Variants in FSIP2 observed in about 807,000 individuals in gnomAD.
The protein encoded by FSIP2 is fibrous sheath interacting protein 2.
A neutral mutation model predicts 510.5 loss-of-function variants in FSIP2; 367 were observed. That is an observed-to-expected ratio of 0.72 (90% CI 0.66 to 0.78). FSIP2 has a LOEUF of 0.78. FSIP2 is among the 30% of genes least tolerant of loss of function. The pLI is 0.00. For synonymous variants in FSIP2, 2,601 were observed against 2,732.2 expected (o/e 0.95, Z 1.50); for missense variants, 7,594 against 7,901.7 (o/e 0.96, Z 1.48).
chr2:185,737,822 T>C (rs1325088922), upstream of FSIP2, among the ~76,000 whole-genome samples: 2 of 152,170 alleles, frequency 1.3e-5, no homozygotes, highest in East Asian at 3.8e-4. Context: ...CCTAAGCACA[T>C]GTGTGGAATT....
chr2:185,800,180 T>G lies in FSIP2; in HGVS notation c.10874T>G (p.Phe3625Cys). 1 of 1,532,766 alleles carries G rather than the reference T, an allele frequency of 6.5e-7. No individual in the cohort carries two copies. Among genetic ancestry groups the G allele is most frequent in the Non-Finnish European group, 8.7e-7 (1 of 1,145,116 alleles). 94.9% of individuals were successfully genotyped at this position (1,532,766 alleles called of 1,614,324 possible). Residue 3625 changes from phenylalanine to cysteine, a missense_variant, in exon 17 of 23, where the codon TTT (phenylalanine) becomes TGT (cysteine). Transcript: ENST00000424728. ...AAAGAAATAGAAGTAGATTATCACT[T>G]TGAAAGCAATGTAAGAAACAAATCA... ...LSKEIEVDYH[F>C]ESNVRNKSFS...
chr2:185,800,037 C>T lies in FSIP2; in HGVS notation c.10731C>T (p.Asp3577=), dbSNP rs1693392146. ...ILFNNKIIQA[D]IAQKMVAIPT... The stretch of plus-strand genomic sequence containing the variant: ...TTAATAATAAAATTATACAGGCTGA[C>T]ATTGCACAGAAAATGGTTGCCATAC... Residue 3577 remains aspartate, a synonymous_variant, in exon 17 of 23, where the codon GAC becomes GAT. Coordinates refer to ENST00000424728, the MANE Select transcript of FSIP2 (RefSeq NM_173651.4). 1 of 1,527,374 alleles carries T rather than the reference C, an allele frequency of 6.5e-7. No individual in the cohort carries two copies. Among genetic ancestry groups the T allele is most frequent in the South Asian group, 1.2e-5 (1 of 83,406 alleles). The allele number at this position is 1,527,374 out of a possible 1,614,324, so 94.6% of individuals were successfully genotyped here.
In FSIP2 at chr2:185,806,220, A is replaced by C; in HGVS notation, c.16914A>C (p.Leu5638=). The C allele has an allele frequency of 6.2e-7, 1 of 1,606,388 alleles. No individual in the cohort carries two copies. The highest frequency in any genetic ancestry group is 1.1e-5 in the South Asian group (1 of 89,804). ...CCTCCTTGAAGTCCAAGAGAAATCT[A>C]GGGACTACAACAGATACTTTGGAAA... The part of the protein sequence containing the change: ...QLSSLKSKRN[L]GTTTDTLEIR... Residue 5638 remains leucine (L), a synonymous_variant, in exon 17 of 23, where the codon CTA becomes CTC. Coordinates refer to ENST00000424728, the MANE Select transcript of FSIP2 (RefSeq NM_173651.4).
At chr2:185,825,792 C>G (rs1481969128) in intron 20 of FSIP2, among the ~76,000 whole-genome samples, 1 of 151,744 alleles carries the variant, frequency 6.6e-6, no homozygotes, top group Non-Finnish European at 1.5e-5. Context: ...ACAAGACTGA[C>G]AAAGTTTTTG....
chr2:185,815,771 T>C (rs1029998062), intron 19 of FSIP2, among the ~76,000 whole-genome samples: 2 of 151,930 alleles, frequency 1.3e-5, no homozygotes, highest in Admixed American at 1.3e-4. Flanking sequence ...GAGAGAGAGG[T>C]AATGGCCCAG....
intron 10 of FSIP2, among the ~76,000 whole-genome samples, chr2:185,761,361 A>G (rs954892825): frequency 2.6e-5 from 4 of 151,188 alleles, no homozygotes; most frequent in Non-Finnish European, 5.9e-5. Context: ...GCATTTATTG[A>G]GCATATACTA....
rs180777297 is a variant in FSIP2 at position 185,751,423 on chromosome 2, T to C, written c.871-2299T>C. Among the ~76,000 whole-genome samples, 319 of 151,054 alleles carry C rather than the reference T, an allele frequency of 2.1e-3. 7 individuals are homozygous for C. Among genetic ancestry groups the C allele is most frequent in the Admixed American group, 0.02 (294 of 15,072 alleles). On this transcript the variant is annotated intron_variant, in intron 7 of 22. Transcript: ENST00000424728. ...GTTAGCACGGCATATTATTTTCTTGTGTTTTACTTTTAAGACCAAATTTGG... is the reference window on the plus strand; with the variant it reads ...GTTAGCACGGCATATTATTTTCTTGCGTTTTACTTTTAAGACCAAATTTGG...
chr2:185,791,747 C>T lies in FSIP2; in HGVS notation c.4611C>T (p.Ile1537=). 6.5e-7 allele frequency: 1 copy of T among 1,534,540 alleles called. No homozygotes were observed. The highest frequency in any genetic ancestry group is 1.2e-5 in the South Asian group (1 of 84,030). The stretch of plus-strand genomic sequence containing the variant: ...AAATGGCCAAATCCACCAAAATAAT[C>T]TCCAGCATAGTTTCCAGAAGGGTTC... The part of the protein sequence containing the change: ...IEKMAKSTKI[I]SSIVSRRVQE... Residue 1537 remains isoleucine (I), a synonymous_variant, in exon 16 of 23, where the codon ATC becomes ATT. Coordinates refer to ENST00000424728, the MANE Select transcript of FSIP2 (RefSeq NM_173651.4).
At chr2:185,755,592 A>C (rs1692230956) in intron 8 of FSIP2, among the ~76,000 whole-genome samples, 1 of 151,608 alleles carries the variant, frequency 6.6e-6, no homozygotes, top group Non-Finnish European at 1.5e-5. Flanking sequence ...TCTTCCAACA[A>C]GTAAACAACT....
At chr2:185,749,924 T>A (rs1388528851) in intron 7 of FSIP2, among the ~76,000 whole-genome samples, 1 of 151,898 alleles carries the variant, frequency 6.6e-6, no homozygotes, top group African/African-American at 2.4e-5. Flanking sequence ...TGAATTCATA[T>A]GTAGGTTTTC....
chr2:185,789,591 A>T lies in FSIP2; in HGVS notation c.2455A>T (p.Ile819Phe), dbSNP rs76914767. The change falls in exon 16 of 23, where the codon ATT (isoleucine) becomes TTT (phenylalanine). Residue 819 changes from isoleucine (I) to phenylalanine (F), a missense_variant. By Grantham distance (21) the Ile-to-Phe change is conservative. Transcript: ENST00000424728. ...TCATACTTTGGACCCAATGTGTGATATTGCAGAGGACATGGTGCATGCCAT... is the reference window on the plus strand; with the variant it reads ...TCATACTTTGGACCCAATGTGTGATTTTGCAGAGGACATGGTGCATGCCAT... ...MPHTLDPMCD[I>F]AEDMVHAILE... is the part of the protein sequence containing the mutation. 7.3e-3 allele frequency: 11,193 copies of T among 1,534,956 alleles called. 337 individuals carry two copies. The highest frequency in any genetic ancestry group is 0.071 in the East Asian group (2,887 of 40,840).
At chr2:185,810,114 C>G (rs1693694712) in intron 17 of FSIP2, among the ~76,000 whole-genome samples, 1 of 152,024 alleles carries the variant, frequency 6.6e-6, no homozygotes, top group Non-Finnish European at 1.5e-5. Context: ...ATTTTTTCAG[C>G]ACTCTTCTGC....
Position 185,802,552 on chromosome 2 carries a change from T to G in FSIP2, c.13246T>G (p.Tyr4416Asp). The part of the protein sequence containing the change: ...TNLIVAAISD[Y>D]LLHPLFSGDF... ...TTTAATTGTAGCAGCTATTTCAGAT[T>G]ACCTTCTTCATCCACTGTTTTCTGG... Residue 4416 changes from tyrosine to aspartate, a missense_variant, in exon 17 of 23, where the codon TAC becomes GAC. Tyr to Asp is a radical substitution (Grantham distance 160, BLOSUM62 -3). Transcript: ENST00000424728. 2 of 1,530,008 alleles carry G rather than the reference T, an allele frequency of 1.3e-6. No homozygotes were observed. Among genetic ancestry groups the G allele is most frequent in the Non-Finnish European group, 1.7e-6 (2 of 1,144,256 alleles). 94.8% of individuals were successfully genotyped at this position (1,530,008 alleles called of 1,614,324 possible). A position where few individuals can be genotyped will look rare whatever the true frequency, so the allele number is the denominator to read the frequency against.
In FSIP2 at chr2:185,802,313, A is replaced by T. The variant is rs1693458535; in HGVS notation, c.13007A>T (p.Gln4336Leu). ...NTEIELKNMTQRIVNSINRHF... is the reference protein window; with the variant it reads ...NTEIELKNMTLRIVNSINRHF... ...GAAATTGAGTTGAAAAACATGACCCAAAGAATAGTAAACTCCATAAATAGG... is the reference window on the plus strand; with the variant it reads ...GAAATTGAGTTGAAAAACATGACCCTAAGAATAGTAAACTCCATAAATAGG... The change falls in exon 17 of 23, where the codon CAA (glutamine) becomes CTA (leucine). Residue 4336 changes from glutamine to leucine, a missense_variant. By Grantham distance (113) the Gln-to-Leu change is moderately radical. Transcript: ENST00000424728. 6.5e-7 allele frequency: 1 copy of T among 1,533,894 alleles called. No individual in the cohort carries two copies.
At chr2:185,810,998 T>G (rs974233828) in intron 17 of FSIP2, among the ~76,000 whole-genome samples, 5 of 151,984 alleles carry the variant, frequency 3.3e-5, no homozygotes, top group African/African-American at 1.2e-4. Flanking sequence ...AGTTTGAACA[T>G]GTGAGTGATG....
chr2:185,820,207 C>T (rs189489784), intron 19 of FSIP2, among the ~76,000 whole-genome samples: 1 of 151,994 alleles, frequency 6.6e-6, no homozygotes, highest in East Asian at 2.0e-4. Context: ...TGAGTGAGTT[C>T]TCATGAGATC....
chr2:185,777,544 T>C (rs901403655), intron 13 of FSIP2, among the ~76,000 whole-genome samples: 2 of 152,086 alleles, frequency 1.3e-5, no homozygotes, highest in Non-Finnish European at 2.9e-5. Flanking sequence ...TGTGATCTTT[T>C]GGTAGATAAT....
At position 185,802,080 on chromosome 2, in the gene FSIP2, T is replaced by C; in HGVS notation, c.12774T>C (p.His4258=). Residue 4258 remains histidine (H), a synonymous_variant, in exon 17 of 23, where the codon CAT becomes CAC. Transcript: ENST00000424728. ...TCATCCAAGAGATTATCGAAAATCA[T>C]CTTCAACCATTTTTGAGTGGAGAGG... The part of the protein sequence containing the change: ...SFIIQEIIEN[H]LQPFLSGEVL... 6 of 1,533,526 alleles carry C rather than the reference T, an allele frequency of 3.9e-6. No homozygotes were observed. Among genetic ancestry groups the C allele is most frequent in the Non-Finnish European group, 5.2e-6 (6 of 1,145,216 alleles). 95.0% of individuals were successfully genotyped at this position (1,533,526 alleles called of 1,614,324 possible). A position where few individuals can be genotyped will look rare whatever the true frequency, so the allele number is the denominator to read the frequency against.
Position 185,795,762 on chromosome 2 carries a change from T to A in FSIP2, c.8626T>A (p.Leu2876Ile). ...TGAAATTTCAATAAAAGCAAAAGAA[T>A]TAGAATATTCTCTTTCACTTTTAAA... ...LTEISIKAKE[L>I]EYSLSLLNLP... Residue 2876 changes from leucine to isoleucine, a missense_variant, in exon 16 of 23, where the codon TTA (leucine) becomes ATA (isoleucine). Transcript: ENST00000424728. 1 of 1,533,328 alleles carries A rather than the reference T, an allele frequency of 6.5e-7. No individual in the cohort carries two copies. Among genetic ancestry groups the A allele is most frequent in the Non-Finnish European group, 8.7e-7 (1 of 1,144,958 alleles). 95.0% of individuals were successfully genotyped at this position (1,533,328 alleles called of 1,614,324 possible). A position where few individuals can be genotyped will look rare whatever the true frequency, so the allele number is the denominator to read the frequency against.
Sources: allele counts gnomAD v4.1 joint callset (sites outside exome capture counted in the v4.1 genomes callset), GRCh38; gene constraint gnomAD v4.1.1; transcripts MANE v1.5; gene names NCBI Gene and HGNC (gene_info 2026-07-23, HGNC 2026-07-21).